Variants in ADGRD1 observed in about 807,000 individuals in gnomAD.
ADGRD1 encodes adhesion G protein-coupled receptor D1, also known as G-protein coupled receptor 133.
ADGRD1 carries 77 observed loss-of-function variants against 113.4 expected under a neutral mutation model. That is an observed-to-expected ratio of 0.68 (90% CI 0.57 to 0.82). The LOEUF (loss-of-function observed/expected upper bound fraction) is 0.82, where lower values mean the gene tolerates loss of function less well. Ranked by LOEUF, ADGRD1 falls within the 40% of genes least tolerant of loss-of-function variation. The pLI is 0.00. For missense variants in ADGRD1, 1,036 were observed against 1,139.1 expected, an observed-to-expected ratio of 0.91 and a Z score of 1.30; for synonymous variants, 474 against 475.0, an observed-to-expected ratio of 1.00 and a Z score of 0.03.
chr12:130,969,142 C>G, intron 3 of ADGRD1: 1 of 866,990 alleles, frequency 1.2e-6, no homozygotes, highest in South Asian at 1.4e-5. Flanking sequence ...AAGGCCAATT[C>G]TGTTTGGTAG....
At chr12:131,106,374 G>T (rs1950235793) in intron 17 of ADGRD1, among the ~76,000 whole-genome samples, 1 of 152,194 alleles carries the variant, frequency 6.6e-6, no homozygotes, top group Admixed American at 6.5e-5. Flanking sequence ...CCTGCCCTTT[G>T]CATGGAGTGG....
At chr12:131,036,935 C>T (rs1325651143) in intron 13 of ADGRD1, among the ~76,000 whole-genome samples, 1 of 144,552 alleles carries the variant, frequency 6.9e-6, no homozygotes. Context: ...AGGTCTCAGT[C>T]ACTGCACTGG....
chr12:131,004,404 C>CCCCGGGCCGCCTGCGGTGCTCT, intron 11 of ADGRD1, 108 bp downstream of exon 11: 1 of 831,422 alleles, frequency 1.2e-6, no homozygotes, highest in Non-Finnish European at 2.0e-6. Context: ...TGCGGTGCTC[C>CCCCGGGCCGCCTGCGGTGCTCT]CCCGGGCCGC....
intron 14 of ADGRD1, among the ~76,000 whole-genome samples, chr12:131,080,765 C>T (rs918402454): frequency 1.3e-5 from 2 of 152,098 alleles, no homozygotes; most frequent in African/African-American, 4.8e-5. Context: ...GGACTACAGG[C>T]GCCCGCCACC....
At position 131,118,440 on chromosome 12, in the gene ADGRD1, A is replaced by T; in HGVS notation, c.2097A>T (p.Gly699=). 4 of 1,610,764 alleles carry T rather than the reference A, an allele frequency of 2.5e-6. No individual in the cohort carries two copies. Among genetic ancestry groups the T allele is most frequent in the Non-Finnish European group, 3.4e-6 (4 of 1,178,694 alleles). ...ISLSFAMDSY[G]TSNNCWLSLA... ...TGTCATTTGCCATGGACAGTTACGG[A>T]ACAAGCAACAAGTAAGTGCAGGGCT... is the stretch of plus-strand genomic sequence containing the variant. Residue 699 remains glycine (G), a synonymous_variant, in exon 19 of 25, where the codon GGA becomes GGT. Coordinates refer to ENST00000261654, the MANE Select transcript of ADGRD1 (RefSeq NM_198827.5).
At chr12:130,961,053 G>A (rs557131953) in intron 2 of ADGRD1, among the ~76,000 whole-genome samples, 1 of 152,312 alleles carries the variant, frequency 6.6e-6, no homozygotes, top group African/African-American at 2.4e-5. Flanking sequence ...GGCAGGGGCC[G>A]GCATTCCTCT....
intron 4 of ADGRD1, among the ~76,000 whole-genome samples, chr12:130,976,399 C>T (rs1226036797): frequency 1.3e-5 from 2 of 152,194 alleles, no homozygotes; most frequent in Admixed American, 6.5e-5. Context: ...TCTCCAAGTA[C>T]AGCTCGTAGG....
chr12:130,978,505 TG>T (rs1872587349), intron 4 of ADGRD1: 1 of 152,218 alleles, frequency 6.6e-6, no homozygotes, highest in South Asian at 2.1e-4. Flanking sequence ...CCCAACTCCA[TG>T]AGGCAAAGTT....
intron 11 of ADGRD1, 101 bp downstream of exon 11, chr12:131,004,397 G>A (rs544032836): frequency 5.7e-5 from 52 of 907,870 alleles, no homozygotes; most frequent in Middle Eastern, 2.4e-4. Context: ...AGGGAGCTGC[G>A]GTGCTCCCCC....
intron 15 of ADGRD1, among the ~76,000 whole-genome samples, chr12:131,092,301 C>T (rs2137256751): frequency 6.6e-6 from 1 of 152,302 alleles, no homozygotes; most frequent in East Asian, 1.9e-4. Flanking sequence ...GGCATGGGGA[C>T]TGGTGCCGTG....
At chr12:131,010,175 C>T (rs2136783553) in intron 12 of ADGRD1, among the ~76,000 whole-genome samples, 1 of 152,334 alleles carries the variant, frequency 6.6e-6, no homozygotes. Flanking sequence ...CAAGATCACA[C>T]TCAGAGATGC....
intron 9 of ADGRD1, chr12:131,002,633 G>T: frequency 9.0e-7 from 1 of 1,106,454 alleles, no homozygotes; most frequent in South Asian, 1.9e-5. Flanking sequence ...TGTCTACCAG[G>T]ATCCTCTGCT....
intron 13 of ADGRD1, among the ~76,000 whole-genome samples, chr12:131,020,318 G>T (rs902358756): frequency 1.3e-5 from 2 of 151,676 alleles, no homozygotes; most frequent in Admixed American, 6.6e-5. Context: ...GCTCGAGGGA[G>T]ATGTTCCAGG....
intron 13 of ADGRD1, among the ~76,000 whole-genome samples, chr12:131,047,142 C>A (rs1175146272): frequency 1.3e-5 from 2 of 152,232 alleles, no homozygotes; most frequent in African/African-American, 4.8e-5. Flanking sequence ...GTCAGTGTCC[C>A]CCCTAATCAG....
At position 131,041,416 on chromosome 12, in the gene ADGRD1, G is replaced by A. The variant is rs1255265920; in HGVS notation, c.1473+27076G>A. Among the ~76,000 whole-genome samples the A allele has an allele frequency of 6.6e-6, 1 of 152,172 alleles. No individual in the cohort carries two copies. The highest frequency in any genetic ancestry group is 1.5e-5 in the Non-Finnish European group (1 of 68,016). ...GTCCAGTGGAAAGCCTCGATGGGGA[G>A]CTGACCCAGCCACCTGAAGCGGCTT... On this transcript the variant is annotated intron_variant, in intron 13 of 24. Transcript: ENST00000261654. This position sits in a 1 kb window ranked among gnomAD's most constrained non-coding sequence, Gnocchi z 4.4.
At chr12:130,996,183 A>C (rs1157962594) in intron 8 of ADGRD1, among the ~76,000 whole-genome samples, 2 of 148,164 alleles carry the variant, frequency 1.3e-5, no homozygotes, top group Non-Finnish European at 3.0e-5. Context: ...ACTTCTTTCT[A>C]CACAGACACG....
chr12:131,026,987 T>C (rs954700943), intron 13 of ADGRD1: 2 of 152,194 alleles, frequency 1.3e-5, no homozygotes, highest in African/African-American at 4.8e-5. Flanking sequence ...TTGAGGGAGA[T>C]GAAAGCAGGC....
intron 13 of ADGRD1, among the ~76,000 whole-genome samples, chr12:131,042,755 G>T (rs972620350): frequency 6.6e-6 from 1 of 152,242 alleles, no homozygotes; most frequent in Admixed American, 6.5e-5. Flanking sequence ...GCAACACAAA[G>T]GCTGTTCCTC....
intron 18 of ADGRD1, among the ~76,000 whole-genome samples, chr12:131,110,277 T>C (rs1024428802): frequency 6.6e-6 from 1 of 152,338 alleles, no homozygotes; most frequent in Non-Finnish European, 1.5e-5. Flanking sequence ...TGTTTCTCTA[T>C]TCTTCCTTTA....
Sources: gnomAD v4.1 joint callset for allele counts (sites outside exome capture counted in the v4.1 genomes callset) on GRCh38, gnomAD v4.1.1 for gene constraint, Gnocchi (gnomAD v3.1) non-coding constraint, MANE v1.5 for transcripts, NCBI Gene and HGNC (gene_info 2026-07-23, HGNC 2026-07-21) for gene names.